RFX4: variants seen among roughly 807,000 people sequenced by gnomAD.
RFX4 encodes the protein transcription factor RFX4.
Under a neutral mutation model 95.0 loss-of-function variants are expected in RFX4, and 10 were observed. That is an observed-to-expected ratio of 0.11 (90% CI 0.06 to 0.18). The LOEUF (loss-of-function observed/expected upper bound fraction) is 0.18. Among genes scored for constraint, RFX4 ranks in the 10% least tolerant of loss-of-function variants. The pLI is 1.00. For missense variants in RFX4, 640 were observed against 922.0 expected (o/e 0.69, Z 3.96); for synonymous variants, 321 against 340.7 (o/e 0.94, Z 0.64).
rs562037949 is a variant in RFX4, at chr12:106,596,461, C to T, written c.44-12336C>T. On this transcript the variant is annotated intron_variant, in intron 1 of 17. Coordinates refer to ENST00000392842, the MANE Select transcript of RFX4 (RefSeq NM_213594.3). ...TATGTCTTTATCAGCAGCATGAAAACGTACTAATACACAGGAAAAGGAAAC... is the reference window on the plus strand; with the variant it reads ...TATGTCTTTATCAGCAGCATGAAAATGTACTAATACACAGGAAAAGGAAAC... Among the ~76,000 whole-genome samples the T allele has an allele frequency of 1.2e-3, 179 of 152,288 alleles. 1 individual carries two copies. The highest frequency in any genetic ancestry group is 1.0e-4 in the Non-Finnish European group (7 of 68,028).
chr12:106,728,767 A>G (rs2042554071), intron 13 of RFX4, among the ~76,000 whole-genome samples: 1 of 152,172 alleles, frequency 6.6e-6, no homozygotes. Flanking sequence ...TTTACTGCCC[A>G]ATAATCTTAA....
chr12:106,761,324 C>A lies in RFX4; in HGVS notation c.2063C>A (p.Pro688Gln). The change falls in exon 18 of 18, where the codon CCG (proline) becomes CAG (glutamine). Residue 688 changes from proline (P) to glutamine (Q), a missense_variant. Transcript: ENST00000392842. Reference sequence around the variant, plus strand: ...TCAGCCAACACGTGCTACACAAGCCCGTCTGTGCATTCTGCGAGGTACGGA... The same window carrying A: ...TCAGCCAACACGTGCTACACAAGCCAGTCTGTGCATTCTGCGAGGTACGGA... ...VPSANTCYTSPSVHSARYGNS... is the reference protein window; with the variant it reads ...VPSANTCYTSQSVHSARYGNS... The A allele has an allele frequency of 6.2e-7, 1 of 1,614,060 alleles. No individual in the cohort carries two copies. The highest frequency in any genetic ancestry group is 8.5e-7 in the Non-Finnish European group (1 of 1,180,020).
At chr12:106,664,905 A>G (rs1290645356) in intron 4 of RFX4, among the ~76,000 whole-genome samples, 1 of 151,836 alleles carries the variant, frequency 6.6e-6, no homozygotes, top group Non-Finnish European at 1.5e-5. Context: ...AGCAGACATT[A>G]TATGATTTTT....
intron 4 of RFX4, among the ~76,000 whole-genome samples, chr12:106,661,297 G>A (rs1393203123): frequency 6.6e-6 from 1 of 152,166 alleles, no homozygotes; most frequent in Non-Finnish European, 1.5e-5. Context: ...CCAGTTCCTG[G>A]GCAAGCCCTT....
chr12:106,696,543 C>CTGT, intron 8 of RFX4, 97 bp downstream of exon 8: 1 of 1,321,904 alleles, frequency 7.6e-7, no homozygotes, highest in East Asian at 2.3e-5. Flanking sequence ...TGTCCAGAGG[C>CTGT]CTCCCTTGTA....
At chr12:106,752,531 G>T (rs2043028160) in intron 17 of RFX4, among the ~76,000 whole-genome samples, 1 of 151,990 alleles carries the variant, frequency 6.6e-6, no homozygotes, top group African/African-American at 2.4e-5. Context: ...TTTTCGGGCA[G>T]CTACCCTCAC....
intron 11 of RFX4, among the ~76,000 whole-genome samples, chr12:106,718,538 A>G (rs2042336438): frequency 6.6e-6 from 1 of 152,242 alleles, no homozygotes; most frequent in Admixed American, 6.5e-5. Context: ...CCATTCAGTC[A>G]ACAAACATTT....
chr12:106,706,827 T>C lies in RFX4; in HGVS notation c.834-2503T>C, dbSNP rs114171975. 5.3e-4 allele frequency among the ~76,000 whole-genome samples: 81 copies of C among 152,310 alleles called. 1 individual carries two copies. Among genetic ancestry groups the C allele is most frequent in the African/African-American group, 1.8e-3 (75 of 41,572 alleles). ...CCTGATTCAAACAAACTAAACATCT[T>C]TGGGAGAAATAGAAAAGTCTGAATG... On this transcript the variant is annotated intron_variant, in intron 8 of 17. Coordinates refer to ENST00000392842, the MANE Select transcript of RFX4 (RefSeq NM_213594.3).
intron 4 of RFX4, among the ~76,000 whole-genome samples, chr12:106,674,316 C>T (rs1334901207): frequency 1.3e-5 from 2 of 151,970 alleles, no homozygotes; most frequent in African/African-American, 2.4e-5. Context: ...AAATAACATC[C>T]CCACCTCCAT....
At chr12:106,646,627 T>G (rs1422533501) in intron 3 of RFX4, among the ~76,000 whole-genome samples, 1 of 152,138 alleles carries the variant, frequency 6.6e-6, no homozygotes, top group African/African-American at 2.4e-5. Context: ...AATAAATCTC[T>G]GATTCAGTCC....
chr12:106,688,831 A>T (rs1018534711), intron 6 of RFX4, among the ~76,000 whole-genome samples: 2 of 152,156 alleles, frequency 1.3e-5, no homozygotes, highest in Non-Finnish European at 2.9e-5. Context: ...ATGGTGACTT[A>T]GGCAGAATCA....
intron 13 of RFX4, among the ~76,000 whole-genome samples, chr12:106,723,661 C>A (rs947307430): frequency 6.6e-6 from 1 of 152,140 alleles, no homozygotes; most frequent in African/African-American, 2.4e-5. Context: ...TGTCAGGGAG[C>A]GGCTCCCAGA....
intron 2 of RFX4, among the ~76,000 whole-genome samples, chr12:106,627,019 C>T (rs1002670491): frequency 2.6e-5 from 4 of 152,278 alleles, no homozygotes; most frequent in African/African-American, 4.8e-5. Context: ...TGCTGTGTCC[C>T]GTTCCCTCTG....
chr12:106,669,837 GGGGTGTGT>G (rs964987991), intron 4 of RFX4, among the ~76,000 whole-genome samples: 46 of 54,528 alleles, frequency 8.4e-4, no homozygotes, highest in African/African-American at 2.1e-3. Flanking sequence ...GTTTTTTCTA[GGGGTGTGT>G]GTGTGTGTGT....
chr12:106,630,397 T>C (rs1411700955), intron 2 of RFX4, among the ~76,000 whole-genome samples: 2 of 152,212 alleles, frequency 1.3e-5, no homozygotes, highest in African/African-American at 4.8e-5. Context: ...GAAGCAGGTG[T>C]GGGCCCCTCA....
chr12:106,598,261 T>C (rs2039648779), intron 1 of RFX4, among the ~76,000 whole-genome samples: 1 of 152,158 alleles, frequency 6.6e-6, no homozygotes, highest in Non-Finnish European at 1.5e-5. Flanking sequence ...CACCAAGTCG[T>C]TTATTGAAAC....
intron 2 of RFX4, among the ~76,000 whole-genome samples, chr12:106,629,051 G>T (rs1269873428): frequency 6.6e-6 from 1 of 152,102 alleles, no homozygotes; most frequent in African/African-American, 2.4e-5. Context: ...GAGCCACCAT[G>T]CCCAGCCATT....
At chr12:106,639,505 A>G in intron 3 of RFX4, 113 bp downstream of exon 3, 17 of 953,682 alleles carry the variant, frequency 1.8e-5, no homozygotes, top group Non-Finnish European at 2.7e-5. Flanking sequence ...TTGACATTCC[A>G]CAACATGAAA....
chr12:106,604,478 T>G (rs1321925608), intron 1 of RFX4, among the ~76,000 whole-genome samples: 1 of 152,012 alleles, frequency 6.6e-6, no homozygotes, highest in East Asian at 1.9e-4. Flanking sequence ...AATAAATGTG[T>G]GTTGAATTTT....
Sources: gnomAD v4.1 joint callset for allele counts (sites outside exome capture counted in the v4.1 genomes callset) on GRCh38, gnomAD v4.1.1 for gene constraint, MANE v1.5 for transcripts, NCBI Gene and HGNC (gene_info 2026-07-23, HGNC 2026-07-21) for gene names.